The following PATJ variants were observed in gnomAD, a reference collection of about 807,000 sequenced individuals.
PATJ encodes PATJ crumbs cell polarity complex component, also known as inaD-like protein.
Under a neutral mutation model 224.9 loss-of-function variants are expected in PATJ, and 190 were observed. The ratio of observed to expected loss-of-function variants is 0.84; its 90% CI spans 0.75 to 0.95. The LOEUF is 0.95. Among genes scored for constraint, PATJ ranks in the 40% least tolerant of loss-of-function variants. The pLI is 0.00. For missense variants in PATJ, 2,121 were observed against 2,270.3 expected (o/e 0.93, Z 1.34); for synonymous variants, 769 against 820.3 (o/e 0.94, Z 1.07).
chr1:62,079,937 A>G (rs1658985650), intron 32 of PATJ, among the ~76,000 whole-genome samples: 1 of 151,828 alleles, frequency 6.6e-6, no homozygotes, highest in Non-Finnish European at 1.5e-5. Context: ...CTGAGGCAGG[A>G]GAATCGCCTG....
rs17122842 is a variant in PATJ, at chr1:61,908,035, C to G, written c.3382-337C>G. Among the ~76,000 whole-genome samples the G allele has an allele frequency of 8.5e-3, 1,295 of 152,290 alleles. 15 individuals carry two copies. Among genetic ancestry groups the G allele is most frequent in the African/African-American group, 0.028 (1,174 of 41,544 alleles). On this transcript the variant is annotated intron_variant, in intron 24 of 43. Coordinates refer to ENST00000642238, the MANE Select transcript of PATJ (RefSeq NM_001350145.3). Reference sequence around the variant, plus strand: ...TAGATATTCCCAGCCTCCCTTATCCCACTCAGAATTATGTACTGTGCTCCT... The same window carrying G: ...TAGATATTCCCAGCCTCCCTTATCCGACTCAGAATTATGTACTGTGCTCCT...
chr1:62,101,061 T>C (rs1662097884), intron 33 of PATJ, among the ~76,000 whole-genome samples: 1 of 151,712 alleles, frequency 6.6e-6, no homozygotes, highest in East Asian at 1.9e-4. Flanking sequence ...ATATGGAAAA[T>C]CTCCACAAAA....
intron 32 of PATJ, among the ~76,000 whole-genome samples, chr1:62,081,128 A>G (rs1308720518): frequency 2.6e-5 from 4 of 152,186 alleles, no homozygotes; most frequent in Non-Finnish European, 4.4e-5. Context: ...TAAAATATGT[A>G]TACTTGGCAC....
chr1:61,907,654 A>G (rs1253034007), intron 24 of PATJ, among the ~76,000 whole-genome samples: 1 of 152,166 alleles, frequency 6.6e-6, no homozygotes, highest in Admixed American at 6.5e-5. Flanking sequence ...GTCTTCACAA[A>G]TTATCACTAT....
intron 27 of PATJ, among the ~76,000 whole-genome samples, chr1:61,964,631 A>AG (rs1176954192): frequency 6.6e-6 from 1 of 151,594 alleles, no homozygotes; most frequent in African/African-American, 2.4e-5. Context: ...TCTACCAAAA[A>AG]TACAAAAATT....
intron 14 of PATJ, among the ~76,000 whole-genome samples, chr1:61,810,699 A>AAAATAAATAAAT (rs141039243): frequency 6.9e-6 from 1 of 144,004 alleles, no homozygotes; most frequent in Non-Finnish European, 1.5e-5. Flanking sequence ...TCTGTCTCAA[A>AAAATAAATAAAT]AAATAAATAA....
At chr1:61,833,166 C>G (rs2148791990) in intron 16 of PATJ, among the ~76,000 whole-genome samples, 1 of 151,922 alleles carries the variant, frequency 6.6e-6, no homozygotes, top group Middle Eastern at 3.4e-3. Context: ...TGAAAACTTC[C>G]TGGAGCCAGC....
chr1:61,769,126 G>C (rs1473694116), intron 4 of PATJ, among the ~76,000 whole-genome samples, 157 bp from the exon 5 acceptor site: 1 of 152,166 alleles, frequency 6.6e-6, no homozygotes, highest in Non-Finnish European at 1.5e-5. Flanking sequence ...GAAATAATCA[G>C]GTGAGAGGAT....
chr1:61,861,211 T>C (rs976876856), intron 18 of PATJ, among the ~76,000 whole-genome samples: 8 of 150,942 alleles, frequency 5.3e-5, no homozygotes, highest in Admixed American at 5.3e-4. Flanking sequence ...TTGAATAAAT[T>C]TTGTGTTGTG....
intron 27 of PATJ, among the ~76,000 whole-genome samples, chr1:61,986,617 C>T (rs916388051): frequency 3.3e-5 from 5 of 151,944 alleles, no homozygotes; most frequent in Non-Finnish European, 5.9e-5. Context: ...AACGGGGTCT[C>T]GCTATGTTGC....
intron 29 of PATJ, among the ~76,000 whole-genome samples, chr1:62,031,755 GATTT>G (rs1186576154): frequency 6.6e-6 from 1 of 152,130 alleles, no homozygotes. Flanking sequence ...TCAGCTTTGT[GATTT>G]ATAAGCTGTG....
At chr1:61,803,454 A>T (rs1557673112) in intron 12 of PATJ, among the ~76,000 whole-genome samples, 2 of 152,192 alleles carry the variant, frequency 1.3e-5, no homozygotes, top group African/African-American at 4.8e-5. Flanking sequence ...TTCGTCATCA[A>T]TATAACGGTC....
chr1:62,063,655 A>G (rs1244046288), intron 31 of PATJ, among the ~76,000 whole-genome samples: 5 of 152,100 alleles, frequency 3.3e-5, no homozygotes, highest in Non-Finnish European at 7.4e-5. Flanking sequence ...ATGTTTTTCC[A>G]TTTGTTTGTG....
At chr1:62,003,447 GA>G (rs919257261) in intron 28 of PATJ, among the ~76,000 whole-genome samples, 29 of 152,234 alleles carry the variant, frequency 1.9e-4, no homozygotes, top group African/African-American at 6.5e-4. Flanking sequence ...TTGTTTGAGA[GA>G]AAATAAATCT....
intron 27 of PATJ, among the ~76,000 whole-genome samples, chr1:61,958,829 G>T (rs1183288463): frequency 6.6e-6 from 1 of 152,202 alleles, no homozygotes; most frequent in Non-Finnish European, 1.5e-5. Context: ...TCTGTAAAAT[G>T]AGTGTGAGAC....
At chr1:61,860,359 G>A (rs1664347605) in intron 18 of PATJ, among the ~76,000 whole-genome samples, 1 of 152,082 alleles carries the variant, frequency 6.6e-6, no homozygotes, top group Non-Finnish European at 1.5e-5. Flanking sequence ...CCACGCCCTG[G>A]CTGAAATGAC....
chr1:61,764,248 G>A (rs1033629117), intron 3 of PATJ, among the ~76,000 whole-genome samples: 13 of 152,156 alleles, frequency 8.5e-5, no homozygotes, highest in African/African-American at 2.9e-4. Context: ...TCTTTCATGC[G>A]TATTCTGATT....
intron 10 of PATJ, among the ~76,000 whole-genome samples, chr1:61,795,888 A>G (rs556111954): frequency 6.6e-6 from 1 of 152,282 alleles, no homozygotes; most frequent in East Asian, 1.9e-4. Flanking sequence ...TTTTATCTAT[A>G]ATTAATAGGC....
At chr1:61,965,203 G>C (rs1681954597) in intron 27 of PATJ, among the ~76,000 whole-genome samples, 1 of 128,492 alleles carries the variant, frequency 7.8e-6, no homozygotes, top group African/African-American at 2.9e-5. Flanking sequence ...TTATTTTCTA[G>C]TTGTACCTTT....
Sources: gnomAD v4.1 joint callset for allele counts (sites outside exome capture counted in the v4.1 genomes callset) on GRCh38, gnomAD v4.1.1 for gene constraint, MANE v1.5 for transcripts, NCBI Gene and HGNC (gene_info 2026-07-23, HGNC 2026-07-21) for gene names.